LEPROTL1: variants seen among roughly 807,000 people sequenced by gnomAD.
The protein encoded by LEPROTL1 is leptin receptor overlapping transcript-like 1.
LEPROTL1 carries 6 observed loss-of-function variants against 15.4 expected under a neutral mutation model. That is an observed-to-expected ratio of 0.39 (90% CI 0.21 to 0.77). LEPROTL1 has a LOEUF of 0.77. Ranked by LOEUF, LEPROTL1 falls within the 30% of genes least tolerant of loss-of-function variation. LEPROTL1 has a pLI of 0.41. For missense variants in LEPROTL1, 128 were observed against 158.1 expected (o/e 0.81, Z 1.02); for synonymous variants, 56 against 52.6 (o/e 1.06, Z -0.28).
intron 4 of LEPROTL1, chr8:30,137,155 G>A: frequency 2.5e-6 from 2 of 806,058 alleles, no homozygotes; most frequent in Non-Finnish European, 4.0e-6. Flanking sequence ...ACCAGAGAGA[G>A]CCAGGAACAT....
chr8:30,137,689 C>T lies in LEPROTL1; in HGVS notation c.*377C>T, dbSNP rs1803178975. On this transcript the variant is annotated 3_prime_UTR_variant, in exon 5 of 5. Coordinates refer to the LEPROTL1 transcript ENST00000442880. Reference sequence around the variant, plus strand: ...AACCTCCAAGCTGTCCTTGTTCATTCCCGGGACTCATTTTGGGAGGAACTT... The same window carrying T: ...AACCTCCAAGCTGTCCTTGTTCATTTCCGGGACTCATTTTGGGAGGAACTT... 6 of 594,706 alleles carry T rather than the reference C, an allele frequency of 1.0e-5. No homozygotes were observed. The Admixed American group carries it at 1.5e-4, about 15-fold the overall frequency. The allele number at this position is 594,706 out of a possible 1,614,324, so 36.8% of individuals were successfully genotyped here. A position where few individuals can be genotyped will look rare whatever the true frequency, so the allele number is the denominator to read the frequency against.
Position 30,105,572 on chromosome 8 carries a change from T to A in LEPROTL1, c.280-174T>A, listed in dbSNP as rs1051378649. On this transcript the variant is annotated intron_variant, in intron 3 of 3. Coordinates refer to ENST00000321250, the MANE Select transcript of LEPROTL1 (RefSeq NM_015344.3). Reference sequence around the variant, plus strand: ...ATATTTATACTATATATTTTTTTACTATATATATTTATACTATATATATTT... The same window carrying A: ...ATATTTATACTATATATTTTTTTACAATATATATTTATACTATATATATTT... Among the ~76,000 whole-genome samples, 3 of 148,076 alleles carry A rather than the reference T, an allele frequency of 2.0e-5. No individual in the cohort carries two copies. The East Asian group carries it at 5.8e-4, about 29-fold the overall frequency.
At chr8:30,132,765 T>C (rs140544481) in intron 4 of LEPROTL1, 8 of 1,551,624 alleles carry the variant, frequency 5.2e-6, no homozygotes, top group Non-Finnish European at 7.0e-6. Context: ...AATAGGGCAG[T>C]GCCTTACACA....
In LEPROTL1 at chr8:30,107,040, G is replaced by A; in HGVS notation, c.*1178G>A. 1 of 975,768 alleles carries A rather than the reference G, an allele frequency of 1.0e-6. No individual in the cohort carries two copies. Among genetic ancestry groups the A allele is most frequent in the African/African-American group, 1.8e-5 (1 of 57,064 alleles). 60.4% of individuals were successfully genotyped at this position (975,768 alleles called of 1,614,324 possible). ...ATTAACAGTTTAAGATTTAGACCAT[G>A]GTAATAGTAGTTCTTATTCTCTAAG... is the stretch of plus-strand genomic sequence containing the variant. On this transcript the variant is annotated 3_prime_UTR_variant, in exon 4 of 4. Coordinates refer to ENST00000321250, the MANE Select transcript of LEPROTL1 (RefSeq NM_015344.3).
intron 3 of LEPROTL1, chr8:30,131,718 T>A (rs1803019106): frequency 4.3e-6 from 2 of 462,692 alleles, no homozygotes; most frequent in Non-Finnish European, 7.7e-6. Flanking sequence ...CTGTAAACCT[T>A]AAGGGAAGAA....
chr8:30,127,958 T>G (rs117751694), intron 3 of LEPROTL1, among the ~76,000 whole-genome samples: 1 of 151,592 alleles, frequency 6.6e-6, no homozygotes, highest in African/African-American at 2.4e-5. Context: ...ATGGGCAGAG[T>G]CTTGGAAGTA....
chr8:30,100,921 T>C (rs1371459479), intron 1 of LEPROTL1, among the ~76,000 whole-genome samples: 2 of 152,200 alleles, frequency 1.3e-5, no homozygotes, highest in Non-Finnish European at 2.9e-5. Context: ...AGAATGCATC[T>C]ATTGCTTATA....
At chr8:30,101,519 T>C (rs1802465603) in intron 1 of LEPROTL1, among the ~76,000 whole-genome samples, 2 of 151,862 alleles carry the variant, frequency 1.3e-5, no homozygotes, top group South Asian at 2.1e-4. Context: ...AATAGAAAAT[T>C]AACAGGATGT....
At position 30,104,361 on chromosome 8, in the gene LEPROTL1, GC is replaced by G; in HGVS notation, c.155del (p.Ala52GlufsTer4). 3.1e-6 allele frequency: 5 copies of G among 1,609,676 alleles called. No individual in the cohort carries two copies. Among genetic ancestry groups the G allele is most frequent in the Non-Finnish European group, 4.2e-6 (5 of 1,177,520 alleles). The part of the protein sequence containing the change: ...YILSPIPYCI[A>X]RRLVDDTDAM... ...CCTTTCACCTATTCCATACTGCATA[GC>G]AAGAAGATTAGTGGATGATACAGAT... On this transcript the variant is annotated frameshift_variant, in exon 3 of 4. Coordinates refer to ENST00000321250, the MANE Select transcript of LEPROTL1 (RefSeq NM_015344.3). LOFTEE classifies it high-confidence loss of function.
downstream of LEPROTL1, among the ~76,000 whole-genome samples, chr8:30,111,754 C>T (rs747102691): frequency 6.6e-6 from 1 of 152,188 alleles, no homozygotes; most frequent in South Asian, 2.1e-4. Flanking sequence ...AGAAAGAGGT[C>T]GGGTGGGGGG....
chr8:30,096,520 ATT>A (rs1356754245), intron 1 of LEPROTL1: 1 of 314,588 alleles, frequency 3.2e-6, no homozygotes, highest in African/African-American at 2.3e-5. Flanking sequence ...TTTCTTGTTT[ATT>A]TTCAATGTCT....
downstream of LEPROTL1, among the ~76,000 whole-genome samples, chr8:30,111,061 A>T (rs1475022221): frequency 6.6e-6 from 1 of 152,196 alleles, no homozygotes; most frequent in Non-Finnish European, 1.5e-5. Context: ...AGCTAGGTTT[A>T]CTTATGTCAT....
chr8:30,100,659 CAGG>C (rs1802450582), intron 1 of LEPROTL1, among the ~76,000 whole-genome samples: 1 of 152,204 alleles, frequency 6.6e-6, no homozygotes, highest in African/African-American at 2.4e-5. Context: ...CCATACTGAC[CAGG>C]CTGGTCTCAA....
At chr8:30,129,140 C>T (rs370152583) in intron 3 of LEPROTL1, among the ~76,000 whole-genome samples, 2 of 152,170 alleles carry the variant, frequency 1.3e-5, no homozygotes, top group African/African-American at 4.8e-5. Context: ...GGATCAAGAG[C>T]TCCTCCTGCT....
chr8:30,121,001 G>A (rs756335410), intron 3 of LEPROTL1, among the ~76,000 whole-genome samples: 6 of 152,214 alleles, frequency 3.9e-5, no homozygotes, highest in Non-Finnish European at 7.4e-5. Flanking sequence ...GCCCCTGGCA[G>A]CCACCATTCT....
chr8:30,132,755 A>G (rs1327380069), intron 4 of LEPROTL1: 2 of 1,551,618 alleles, frequency 1.3e-6, no homozygotes, highest in African/African-American at 2.7e-5. Context: ...AAGTAGCTGA[A>G]ATAGGGCAGT....
At chr8:30,102,932 C>T (rs2117482163) in intron 2 of LEPROTL1, among the ~76,000 whole-genome samples, 1 of 152,270 alleles carries the variant, frequency 6.6e-6, no homozygotes, top group Middle Eastern at 3.4e-3. Flanking sequence ...TTGCTTGTAG[C>T]TCTCAAAGTA....
intron 3 of LEPROTL1, among the ~76,000 whole-genome samples, chr8:30,116,951 A>G (rs1189372111): frequency 1.3e-5 from 2 of 152,166 alleles, no homozygotes; most frequent in Non-Finnish European, 2.9e-5. Flanking sequence ...CATGAATTGA[A>G]TTATAGGACA....
intron 3 of LEPROTL1, among the ~76,000 whole-genome samples, chr8:30,115,836 G>C (rs1181652189): frequency 6.6e-6 from 1 of 151,904 alleles, no homozygotes; most frequent in Non-Finnish European, 1.5e-5. Context: ...TTAATACCCA[G>C]TGTTCCTAAG....
Sources: gnomAD v4.1 joint callset for allele counts (sites outside exome capture counted in the v4.1 genomes callset) on GRCh38, gnomAD v4.1.1 for gene constraint, MANE v1.5 for transcripts, NCBI Gene and HGNC (gene_info 2026-07-23, HGNC 2026-07-21) for gene names.